The following SCN4A variants were observed in gnomAD, a reference collection of about 807,000 sequenced individuals.
SCN4A encodes sodium voltage-gated channel alpha subunit 4, also known as sodium channel protein type 4 subunit alpha.
SCN4A carries 83 observed loss-of-function variants against 162.0 expected under a neutral mutation model. The observed-to-expected ratio is 0.51, with a 90% CI of 0.43 to 0.61. The LOEUF is 0.61. Ranked by LOEUF, SCN4A falls within the 20% of genes least tolerant of loss-of-function variation. The probability of loss-of-function intolerance (pLI) is 0.00; values close to 1 mark genes in which losing one functional copy is unlikely to be tolerated. For missense variants in SCN4A, 2,196 were observed against 2,462.5 expected (o/e 0.89, Z 2.29); for synonymous variants, 944 against 985.1 (o/e 0.96, Z 0.78).
At position 63,963,801 on chromosome 17, in the gene SCN4A, C is replaced by T. The variant is rs1909347806; in HGVS notation, c.1477G>A (p.Gly493Ser). ...GCTGGGTCCCCATCTGCCTCCCCAC[C>T]TTCCAGAGCTTGGGCGGCCTTGGCC... ...EKAKAAQALE[G>S]GEADGDPAHG... The change falls in exon 10 of 24, where the codon GGT becomes AGT. Residue 493 changes from glycine (G) to serine (S), a missense_variant. Transcript: ENST00000435607. 6.2e-7 allele frequency: 1 copy of T among 1,605,124 alleles called. No homozygotes were observed. Among genetic ancestry groups the T allele is most frequent in the Non-Finnish European group, 8.5e-7 (1 of 1,176,070 alleles).
In SCN4A at chr17:63,948,049, G is replaced by A. The variant is rs1302161849; in HGVS notation, c.3159C>T (p.Ile1053=). The A allele has an allele frequency of 6.2e-7, 1 of 1,603,408 alleles. No individual in the cohort carries two copies. The highest frequency in any genetic ancestry group is 8.5e-7 in the Non-Finnish European group (1 of 1,171,930). The part of the protein sequence containing the change: ...LSSGALAFED[I]YIEQRRVIRT... ...GAATGACTCGCCGCTGCTCAATGTA[G>A]ATGTCCTCGAAGGCCTGGGGGCACC... The change falls in exon 17 of 24, where the codon ATC becomes ATT. Residue 1053 remains isoleucine, a synonymous_variant. Coordinates refer to ENST00000435607, the MANE Select transcript of SCN4A (RefSeq NM_000334.4).
chr17:63,946,462 G>GCCCCCCCCCCCCC (rs374261223), intron 18 of SCN4A, among the ~76,000 whole-genome samples: 32 of 106,658 alleles, frequency 3.0e-4, no homozygotes, highest in African/African-American at 7.9e-4. Flanking sequence ...CATTTTTCTT[G>GCCCCCCCCCCCCC]CCCCCCCCCC....
At position 63,945,699 on chromosome 17, in the gene SCN4A, C is replaced by T. The variant is rs1908695334; in HGVS notation, c.3442-61G>A. ...CAGCCTCTGAGAGAGGGCTCCACAT[C>T]TCTACGCCACCCAGGGGACCAGGCA... is the stretch of plus-strand genomic sequence containing the variant. On this transcript the variant is annotated intron_variant, in intron 18 of 23. Transcript: ENST00000435607. This position sits in a 1 kb window ranked among gnomAD's most constrained non-coding sequence, Gnocchi z 4.4. The T allele has an allele frequency of 1.3e-6, 2 of 1,578,470 alleles. No homozygotes were observed. The highest frequency in any genetic ancestry group is 1.7e-5 in the Admixed American group (1 of 59,686).
intron 11 of SCN4A, among the ~76,000 whole-genome samples, chr17:63,960,087 T>G (rs1425102725): frequency 2.6e-5 from 4 of 152,230 alleles, no homozygotes; most frequent in Non-Finnish European, 5.9e-5. Flanking sequence ...ACATGGGATC[T>G]GAGGATTGCA....
chr17:63,948,196 G>A (rs931549630), intron 16 of SCN4A, 133 bp from the exon 17 acceptor site: 3 of 641,392 alleles, frequency 4.7e-6, no homozygotes, highest in Non-Finnish European at 7.7e-6. Context: ...CAGGCTGTCC[G>A]CATCTCCTGG....
intron 23 of SCN4A, 73 bp from the exon 24 acceptor site, chr17:63,942,066 G>GCCCC: frequency 1.4e-6 from 2 of 1,405,182 alleles, no homozygotes; most frequent in Non-Finnish European, 1.9e-6. Flanking sequence ...AGCATGCGGG[G>GCCCC]CTCAGGGGGC....
At position 63,968,184 on chromosome 17, in the gene SCN4A, G is replaced by A. The variant is rs1483697067; in HGVS notation, c.875C>T (p.Thr292Ile). ...RWPPPFNDTN[T>I]TWYSNDTWYG... is the part of the protein sequence containing the mutation. ...CCACGTGTCATTGCTGTACCACGTG[G>A]TGTTGGTGTCGTTGAACGGCGGGGG... The change falls in exon 6 of 24, where the codon ACC becomes ATC. Residue 292 changes from threonine (T) to isoleucine (I), a missense_variant. Transcript: ENST00000435607. 1.2e-6 allele frequency: 2 copies of A among 1,614,024 alleles called. No homozygotes were observed. The highest frequency in any genetic ancestry group is 1.7e-5 in the Admixed American group (1 of 60,030).
intron 15 of SCN4A, among the ~76,000 whole-genome samples, chr17:63,949,151 G>C (rs1388807245): frequency 6.6e-6 from 1 of 152,224 alleles, no homozygotes; most frequent in Non-Finnish European, 1.5e-5. Flanking sequence ...ATGGAGGGGA[G>C]GATCTCAGGA....
At chr17:63,947,821 G>T in intron 17 of SCN4A, 69 bp downstream of exon 17, 1 of 1,519,614 alleles carries the variant, frequency 6.6e-7, no homozygotes, top group Non-Finnish European at 9.0e-7. Flanking sequence ...CAGGGCGTGG[G>T]CTTCCTGAGG....
In SCN4A at chr17:63,955,684, C is replaced by T. The variant is rs1048254558; in HGVS notation, c.2376+1478G>A. 3.9e-5 allele frequency among the ~76,000 whole-genome samples: 6 copies of T among 152,188 alleles called. No homozygotes were observed. In the East Asian group the frequency reaches 7.7e-4, roughly 20 times the overall value. ...AACAAACTCCTACTCAGGGTCTGCT[C>T]TCCCCATCCCCAATCCTGCCCCAAA... On this transcript the variant is annotated intron_variant, in intron 13 of 23. Coordinates refer to ENST00000435607, the MANE Select transcript of SCN4A (RefSeq NM_000334.4).
rs568946950 is a variant in SCN4A at position 63,962,884 on chromosome 17, C to T, written c.1606+788G>A. On this transcript the variant is annotated intron_variant, in intron 10 of 23. Transcript: ENST00000435607. ...GGCAGGGCATATGGGCACCTGGATACCTGTCATACAAGGTCAGGTGACATG... is the reference window on the plus strand; with the variant it reads ...GGCAGGGCATATGGGCACCTGGATATCTGTCATACAAGGTCAGGTGACATG... Among the ~76,000 whole-genome samples the T allele has an allele frequency of 1.4e-3, 213 of 152,312 alleles. 2 individuals are homozygous for T. The highest frequency in any genetic ancestry group is 0.013 in the Admixed American group (192 of 15,298).
intron 10 of SCN4A, among the ~76,000 whole-genome samples, chr17:63,963,151 C>T (rs1050492247): frequency 3.3e-5 from 5 of 152,204 alleles, no homozygotes; most frequent in African/African-American, 1.2e-4. Flanking sequence ...TCTATTCACC[C>T]TCTCTCATCA....
chr17:63,971,486 C>T (rs1909607984), intron 4 of SCN4A, among the ~76,000 whole-genome samples: 1 of 152,126 alleles, frequency 6.6e-6, no homozygotes, highest in Non-Finnish European at 1.5e-5. Flanking sequence ...GCTCACCCAG[C>T]AGGTGAGGAC....
In SCN4A at chr17:63,945,915, C is replaced by A. The variant is rs1314707096; in HGVS notation, c.3442-277G>T. 6.6e-6 allele frequency among the ~76,000 whole-genome samples: 1 copy of A among 152,088 alleles called. No homozygotes were observed. The highest frequency in any genetic ancestry group is 6.5e-5 in the Admixed American group (1 of 15,280). ...TGGGTTTCTCTGGAAGCAGCCTGGT[C>A]ACAGGTCACCAGGCAGGAGACAAAC... is the stretch of plus-strand genomic sequence containing the variant. On this transcript the variant is annotated intron_variant, in intron 18 of 23. Transcript: ENST00000435607. This position sits in a 1 kb window ranked among gnomAD's most constrained non-coding sequence, Gnocchi z 4.4.
rs112777263 is a variant in SCN4A, at chr17:63,965,455, T to G, written c.1242+647A>C. ...CTCAGCCTGCCTTCCCTGCAAACAG[T>G]AGAAGGCAAATAAAGTATGGGCAAC... On this transcript the variant is annotated intron_variant, in intron 8 of 23. Transcript: ENST00000435607. Among the ~76,000 whole-genome samples, 73 of 152,218 alleles carry G rather than the reference T, an allele frequency of 4.8e-4. 1 individual carries two copies. Among genetic ancestry groups the G allele is most frequent in the African/African-American group, 1.7e-3 (69 of 41,516 alleles).
chr17:63,971,649 G>T, intron 4 of SCN4A, 73 bp downstream of exon 4: 3 of 1,408,148 alleles, frequency 2.1e-6, no homozygotes, highest in African/African-American at 1.4e-5. Context: ...AGCCCAGGCA[G>T]CTTCCCTCTT....
intron 23 of SCN4A, 21 bp downstream of exon 23, chr17:63,942,805 G>C (rs772939398): frequency 6.2e-7 from 1 of 1,607,560 alleles, no homozygotes; most frequent in Non-Finnish European, 8.5e-7. Flanking sequence ...CTGCCCTGCC[G>C]GTCCAGCCCG....
rs1597987667 is a variant in SCN4A at position 63,972,126 on chromosome 17, G to A, written c.482+10C>T. 4 of 1,606,096 alleles carry A rather than the reference G, an allele frequency of 2.5e-6. No homozygotes were observed. Among genetic ancestry groups the A allele is most frequent in the South Asian group, 1.1e-5 (1 of 90,240 alleles). On this transcript the variant is annotated intron_variant, in intron 3 of 23. Coordinates refer to ENST00000435607, the MANE Select transcript of SCN4A (RefSeq NM_000334.4). The surrounding 1 kb of genome is among the most constrained non-coding windows in gnomAD (Gnocchi z 4.3). ...CAGGGCTGGGGAGCTCAGGGAGCAG[G>A]GAGACTTACTCCACATTCTTGGACC...
rs563878484 is a variant in SCN4A at position 63,943,085 on chromosome 17, C to T, written c.4029G>A (p.Gln1343=). ...TCGTCACGAGGTCATACACCATGCC[C>T]TGGATCTTGTTCTGCAGCATGGGTG... ...KPIPRPQNKI[Q]GMVYDLVTKQ... The change falls in exon 23 of 24, where the codon CAG becomes CAA. Residue 1343 remains glutamine (Q), a synonymous_variant. Transcript: ENST00000435607. 6.2e-7 allele frequency: 1 copy of T among 1,610,794 alleles called. No individual in the cohort carries two copies. Among genetic ancestry groups the T allele is most frequent in the African/African-American group, 1.3e-5 (1 of 74,976 alleles).
Sources: allele counts gnomAD v4.1 joint callset (sites outside exome capture counted in the v4.1 genomes callset), GRCh38; gene constraint gnomAD v4.1.1; non-coding constraint Gnocchi (gnomAD v3.1); transcripts MANE v1.5; gene names NCBI Gene and HGNC (gene_info 2026-07-23, HGNC 2026-07-21).